Variants in PLD4 observed in about 807,000 individuals in gnomAD.
PLD4 encodes phospholipase D family member 4.
In PLD4, 54 loss-of-function variants were observed where a neutral mutation model predicts 52.3. The observed-to-expected ratio is 1.03, with a 90% confidence interval of 0.83 to 1.30. PLD4 has a LOEUF of 1.30. Among genes scored for constraint, PLD4 ranks in the 50% most tolerant of loss-of-function variants. PLD4 has a pLI of 0.00. For missense variants in PLD4, 731 were observed against 671.1 expected (o/e 1.09, Z -0.99); for synonymous variants, 264 against 286.5 (o/e 0.92, Z 0.79).
rs755266224 is a variant in PLD4, at chr14:104,932,791, T to G, written c.1348T>G (p.Phe450Val). ...IGTSNWSEDY[F>V]SSTAGVGLVV... ...CACCTCCAACTGGTCGGAGGATTACTTCAGCAGCACGGCGGGGGTGGGCTT... is the reference window on the plus strand; with the variant it reads ...CACCTCCAACTGGTCGGAGGATTACGTCAGCAGCACGGCGGGGGTGGGCTT... Residue 450 changes from phenylalanine (F) to valine (V), a missense_variant, in exon 11 of 11, where the codon TTC becomes GTC. Phe to Val is a conservative substitution (Grantham distance 50, BLOSUM62 -1). Transcript: ENST00000392593. The surrounding 1 kb of genome is among the most constrained non-coding windows in gnomAD (Gnocchi z 6.5). 5 of 1,595,420 alleles carry G rather than the reference T, an allele frequency of 3.1e-6. No homozygotes were observed. The South Asian group carries it at 5.6e-5, about 18-fold the overall frequency.
Position 104,930,731 on chromosome 14 carries a change from G to T in PLD4, c.718-11G>T. ...TTTTTCTCCCACAGCGCCTGACTTT[G>T]GTCCCTGCAGGTGAAGGAGCTTGGC... On this transcript the variant is annotated splice_polypyrimidine_tract_variant and intron_variant, in intron 6 of 10. Transcript: ENST00000392593. 1 of 1,613,056 alleles carries T rather than the reference G, an allele frequency of 6.2e-7. No homozygotes were observed. The highest frequency in any genetic ancestry group is 8.5e-7 in the Non-Finnish European group (1 of 1,179,946).
At chr14:104,931,392 C>A (rs1163118003) in intron 7 of PLD4, among the ~76,000 whole-genome samples, 2 of 151,546 alleles carry the variant, frequency 1.3e-5, no homozygotes, top group African/African-American at 2.4e-5. Context: ...TCCAGCCAGC[C>A]GAGGGACTGG....
Position 104,931,996 on chromosome 14 carries a change from C to T in PLD4, c.1059-16C>T. ...GCCCGGCTTGTAAGCAGAGCCCCGT[C>T]CCTCCCCACCCCAAGGTACTGGCCG... On this transcript the variant is annotated splice_polypyrimidine_tract_variant and intron_variant, in intron 8 of 10. Transcript: ENST00000392593. 1 of 1,561,700 alleles carries T rather than the reference C, an allele frequency of 6.4e-7. No homozygotes were observed. Among genetic ancestry groups the T allele is most frequent in the Non-Finnish European group, 8.7e-7 (1 of 1,155,346 alleles).
At position 104,930,160 on chromosome 14, in the gene PLD4, A is replaced by G. The variant is rs1331955290; in HGVS notation, c.717+55A>G. ...CTGCCTGAAGCGTTTCCCCGCCTGCACTCCTGGGGACTTGGCCTGACATCT... is the reference window on the plus strand; with the variant it reads ...CTGCCTGAAGCGTTTCCCCGCCTGCGCTCCTGGGGACTTGGCCTGACATCT... On this transcript the variant is annotated intron_variant, in intron 6 of 10. Transcript: ENST00000392593. The G allele has an allele frequency of 1.9e-6, 3 of 1,600,938 alleles. No homozygotes were observed. In the African/African-American group the frequency reaches 4.0e-5, roughly 21 times the overall value.
chr14:104,931,846 G>T lies in PLD4; in HGVS notation c.1017G>T (p.Val339=). The T allele has an allele frequency of 6.4e-7, 1 of 1,560,898 alleles. No homozygotes were observed. The change falls in exon 8 of 11, where the codon GTG becomes GTT. Residue 339 remains valine, a synonymous_variant. Transcript: ENST00000392593. ...GSAQEFIYAS[V]MEYFPTTRFS... ...CCCAGGAGTTCATCTATGCCTCCGT[G>T]ATGGAGTATTTCCCCACCACGCGCT...
At chr14:104,936,327 T>G (rs1897808814), downstream of PLD4, 1 of 152,258 alleles carries the variant, frequency 6.6e-6, no homozygotes, top group African/African-American at 2.4e-5. Context: ...ATGGCCTTGC[T>G]TAACTGGGAT....
chr14:104,930,706 T>A, intron 6 of PLD4, 36 bp from the exon 7 acceptor site: 1 of 1,608,932 alleles, frequency 6.2e-7, no homozygotes. Context: ...CACAGAGGGG[T>A]TTTTCTCCCA....
rs557134091 is a variant in PLD4 at position 104,932,153 on chromosome 14, C to T, written c.1200C>T (p.Pro400=). The change falls in exon 9 of 11, where the codon CCC becomes CCT. Residue 400 remains proline (P), a synonymous_variant. Transcript: ENST00000392593. The surrounding 1 kb of genome is among the most constrained non-coding windows in gnomAD (Gnocchi z 6.5). The stretch of plus-strand genomic sequence containing the variant: ...GGTCCCTGCAGGCGCTCAGCAACCC[C>T]GCGGCCAACGTCTCTGTGGACGTGG... ...YLRSLQALSN[P]AANVSVDVKV... The T allele has an allele frequency of 6.1e-5, 98 of 1,611,076 alleles. 2 individuals carry two copies. The South Asian group carries it at 9.0e-4, about 15-fold the overall frequency.
rs1363497454 is a variant in PLD4 at position 104,932,390 on chromosome 14, G to C, written c.1321+35G>C. Reference sequence around the variant, plus strand: ...ATCAGATCACGGCGGGCGGGCCCCAGGGTGGCCAGGCACGGGCGAGGGAGG... The same window carrying C: ...ATCAGATCACGGCGGGCGGGCCCCACGGTGGCCAGGCACGGGCGAGGGAGG... On this transcript the variant is annotated intron_variant, in intron 10 of 10. Coordinates refer to ENST00000392593, the MANE Select transcript of PLD4 (RefSeq NM_138790.5). This position sits in a 1 kb window ranked among gnomAD's most constrained non-coding sequence, Gnocchi z 6.5. The C allele has an allele frequency of 6.2e-7, 1 of 1,600,320 alleles. No individual in the cohort carries two copies. Among genetic ancestry groups the C allele is most frequent in the Non-Finnish European group, 8.5e-7 (1 of 1,169,744 alleles).
downstream of PLD4, chr14:104,935,451 AC>A (rs2140808964): frequency 6.6e-6 from 1 of 152,236 alleles, no homozygotes; most frequent in Admixed American, 6.5e-5. Flanking sequence ...GGCTTGGGAG[AC>A]CCCAGGAGGG....
In PLD4 at chr14:104,932,133, C is replaced by CT; in HGVS notation, c.1181dup (p.Gln395AlafsTer88). 1 of 1,611,406 alleles carries CT rather than the reference C, an allele frequency of 6.2e-7. No individual in the cohort carries two copies. On this transcript the variant is annotated frameshift_variant, in exon 9 of 11. Coordinates refer to ENST00000392593, the MANE Select transcript of PLD4 (RefSeq NM_138790.5). LOFTEE classifies it high-confidence loss of function. This position sits in a 1 kb window ranked among gnomAD's most constrained non-coding sequence, Gnocchi z 6.5. ...CACCATGTTCCCCTACCTGCGGTCC[C>CT]TGCAGGCGCTCAGCAACCCCGCGGC...
At chr14:104,931,511 G>C (rs1897643095) in intron 7 of PLD4, among the ~76,000 whole-genome samples, 1 of 152,154 alleles carries the variant, frequency 6.6e-6, no homozygotes, top group Admixed American at 6.5e-5. Context: ...CTGTTTCTGG[G>C]ACGTCAATCC....
intron 6 of PLD4, 100 bp from the exon 7 acceptor site, chr14:104,930,642 A>C: frequency 3.1e-6 from 4 of 1,289,404 alleles, no homozygotes; most frequent in Non-Finnish European, 4.4e-6. Context: ...CCAGTCGGGC[A>C]GGGACTGCAC....
chr14:104,931,851 A>C lies in PLD4; in HGVS notation c.1022A>C (p.Glu341Ala). 8 of 1,558,098 alleles carry C rather than the reference A, an allele frequency of 5.1e-6. No individual in the cohort carries two copies. Among genetic ancestry groups the C allele is most frequent in the Non-Finnish European group, 7.0e-6 (8 of 1,149,794 alleles). Residue 341 changes from glutamate (E) to alanine (A), a missense_variant, in exon 8 of 11, where the codon GAG (glutamate) becomes GCG (alanine). Transcript: ENST00000392593. ...GAGTTCATCTATGCCTCCGTGATGG[A>C]GTATTTCCCCACCACGCGCTTCAGC... ...AQEFIYASVMEYFPTTRFSHP... is the reference protein window; with the variant it reads ...AQEFIYASVMAYFPTTRFSHP...
In PLD4 at chr14:104,932,480, T is replaced by TCCCCGGAA; in HGVS notation, c.1321+126_1321+127insCCCGGAAC. ...GGGCTGCTGCTGAAGGGGGACGGGGTCTCCATGGAGTTCCGGGGACCAGGC... is the reference window on the plus strand; with the variant it reads ...GGGCTGCTGCTGAAGGGGGACGGGGTCCCCGGAACTCCATGGAGTTCCGGGGACCAGGC... On this transcript the variant is annotated intron_variant, in intron 10 of 10. Coordinates refer to ENST00000392593, the MANE Select transcript of PLD4 (RefSeq NM_138790.5). The surrounding 1 kb of genome is among the most constrained non-coding windows in gnomAD (Gnocchi z 6.5). The TCCCCGGAA allele has an allele frequency of 8.9e-7, 1 of 1,128,476 alleles. No homozygotes were observed. Among genetic ancestry groups the TCCCCGGAA allele is most frequent in the African/African-American group, 1.5e-5 (1 of 64,676 alleles). 69.9% of individuals were successfully genotyped at this position (1,128,476 alleles called of 1,614,324 possible). A position where few individuals can be genotyped will look rare whatever the true frequency, so the allele number is the denominator to read the frequency against.
In PLD4 at chr14:104,932,911, G is replaced by C. The variant is rs1475431098; in HGVS notation, c.1468G>C (p.Ala490Pro). The C allele has an allele frequency of 6.2e-7, 1 of 1,602,090 alleles. No individual in the cohort carries two copies. The highest frequency in any genetic ancestry group is 8.5e-7 in the Non-Finnish European group (1 of 1,175,440). The change falls in exon 11 of 11, where the codon GCC becomes CCC. Residue 490 changes from alanine to proline, a missense_variant. Transcript: ENST00000392593. The surrounding 1 kb of genome is among the most constrained non-coding windows in gnomAD (Gnocchi z 6.5). ...LFERDWSSRY[A>P]VGLDGQAPGQ... Reference sequence around the variant, plus strand: ...TGAGCGGGACTGGAGTTCGCGCTACGCCGTCGGCCTGGACGGACAGGCTCC... The same window carrying C: ...TGAGCGGGACTGGAGTTCGCGCTACCCCGTCGGCCTGGACGGACAGGCTCC...
rs375469882 is a variant in PLD4, at chr14:104,929,961, C to T, written c.590-17C>T. ...TAGCAAGACCTAGTTCATCCCATTG[C>T]CTGAACTCTCCACCAGGTGCCCATG... On this transcript the variant is annotated splice_polypyrimidine_tract_variant and intron_variant, in intron 5 of 10. Coordinates refer to ENST00000392593, the MANE Select transcript of PLD4 (RefSeq NM_138790.5). The T allele has an allele frequency of 1.2e-6, 2 of 1,612,944 alleles. No homozygotes were observed. The highest frequency in any genetic ancestry group is 1.3e-5 in the African/African-American group (1 of 74,932).
chr14:104,925,578 A>G (rs1305863358), intron 1 of PLD4, among the ~76,000 whole-genome samples: 1 of 152,150 alleles, frequency 6.6e-6, no homozygotes, highest in Non-Finnish European at 1.5e-5. Context: ...GCAGCTGTCC[A>G]AGAACAGCCC....
intron 4 of PLD4, 96 bp downstream of exon 4, chr14:104,929,028 G>A: frequency 3.5e-6 from 5 of 1,424,922 alleles, no homozygotes; most frequent in East Asian, 2.5e-5. Context: ...AGGCCCGGGG[G>A]CTCAGCTTGG....
Sources: allele counts gnomAD v4.1 joint callset (sites outside exome capture counted in the v4.1 genomes callset), GRCh38; gene constraint gnomAD v4.1.1; non-coding constraint Gnocchi (gnomAD v3.1); transcripts MANE v1.5; gene names NCBI Gene and HGNC (gene_info 2026-07-23, HGNC 2026-07-21).